Variants in EPCAM observed in about 807,000 individuals in gnomAD.
EPCAM encodes the protein epithelial cell adhesion molecule.
A neutral mutation model predicts 40.0 loss-of-function variants in EPCAM; 39 were observed. The observed-to-expected ratio is 0.98, with a 90% CI of 0.76 to 1.27. The LOEUF (loss-of-function observed/expected upper bound fraction) is 1.27. Ranked by LOEUF, EPCAM falls within the 50% of genes most tolerant of loss-of-function variation. The pLI, the probability that EPCAM is intolerant of heterozygous loss-of-function variation, is 0.00. For missense variants in EPCAM, 503 were observed against 381.2 expected (o/e 1.32, Z -2.66); for synonymous variants, 168 against 132.3 (o/e 1.27, Z -1.85).
chr2:47,378,601 C>A (rs1248881387), intron 5 of EPCAM, among the ~76,000 whole-genome samples: 1 of 152,178 alleles, frequency 6.6e-6, no homozygotes, highest in East Asian at 1.9e-4. Context: ...TGCACCCGGC[C>A]TTACCTTTCA....
At chr2:47,369,733 C>T (rs1027687237) in intron 1 of EPCAM, 152 bp downstream of exon 1, 2 of 835,104 alleles carry the variant, frequency 2.4e-6, no homozygotes, top group East Asian at 2.7e-5. Context: ...CGTGCTCCGG[C>T]TCAGGCCCTC....
At chr2:47,384,989 G>A (rs1671703393) in intron 7 of EPCAM, among the ~76,000 whole-genome samples, 177 bp from the exon 8 acceptor site, 1 of 152,218 alleles carries the variant, frequency 6.6e-6, no homozygotes, top group South Asian at 2.1e-4. Context: ...TTACAGGCAT[G>A]AGCCACTCCA....
At chr2:47,377,922 CT>C (rs1237129216) in intron 5 of EPCAM, among the ~76,000 whole-genome samples, 4 of 151,852 alleles carry the variant, frequency 2.6e-5, no homozygotes, top group Admixed American at 2.0e-4. Context: ...AAAGAATGTA[CT>C]TTTTTTACTC....
Position 47,383,607 on chromosome 2 carries a change from C to CTTTTTT in EPCAM, c.859-1519_859-1514dup. ...CATGAGCCACTGTGCCCGGCTTCTTCTTTTTTTTTTTTTTTTTTTTTTTTT... is the reference window on the plus strand; with the variant it reads ...CATGAGCCACTGTGCCCGGCTTCTTCTTTTTTTTTTTTTTTTTTTTTTTTTTTTTTT... On this transcript the variant is annotated intron_variant, in intron 7 of 8. Coordinates refer to ENST00000263735, the MANE Select transcript of EPCAM (RefSeq NM_002354.3). Among the ~76,000 whole-genome samples, 87 of 36,450 alleles carry CTTTTTT rather than the reference C, an allele frequency of 2.4e-3. 24 individuals carry two copies. The highest frequency in any genetic ancestry group is 4.7e-3 in the Admixed American group (12 of 2,552). The allele number at this position is 36,450 out of a possible 152,430, so 23.9% of individuals were successfully genotyped here.
At chr2:47,381,196 A>T (rs1385144077) in intron 7 of EPCAM, among the ~76,000 whole-genome samples, 1 of 150,988 alleles carries the variant, frequency 6.6e-6, no homozygotes, top group African/African-American at 2.4e-5. Flanking sequence ...CGGGAGTTCG[A>T]GACCAGCCTG....
In EPCAM at chr2:47,385,829, A is replaced by G. The variant is rs556841601; in HGVS notation, c.903+619A>G. On this transcript the variant is annotated intron_variant, in intron 8 of 8. Coordinates refer to ENST00000263735, the MANE Select transcript of EPCAM (RefSeq NM_002354.3). ...GGAATATTGGAAAAAGTCTAATGGA[A>G]CCAGAAAGTTCTAGCATTTTTTTCC... 3.2e-4 allele frequency among the ~76,000 whole-genome samples: 49 copies of G among 152,352 alleles called. No homozygotes were observed. In the East Asian group the frequency reaches 5.8e-3, roughly 18 times the overall value.
intron 2 of EPCAM, 110 bp downstream of exon 2, chr2:47,373,680 A>G (rs544483273): frequency 6.9e-7 from 1 of 1,459,702 alleles, no homozygotes; most frequent in South Asian, 1.2e-5. Context: ...GAATCATGTT[A>G]CAAAGTAAGT....
At chr2:47,378,125 G>A (rs1671476809) in intron 5 of EPCAM, among the ~76,000 whole-genome samples, 1 of 151,904 alleles carries the variant, frequency 6.6e-6, no homozygotes, top group African/African-American at 2.4e-5. Context: ...CAGCTACTCG[G>A]GAGGCTTGAG....
intron 7 of EPCAM, among the ~76,000 whole-genome samples, chr2:47,384,000 G>C (rs1052929118): frequency 6.6e-6 from 1 of 151,458 alleles, no homozygotes; most frequent in African/African-American, 2.4e-5. Flanking sequence ...TTTCTTTTCT[G>C]TTGTCCCATT....
At chr2:47,382,148 C>T (rs72812303) in intron 7 of EPCAM, among the ~76,000 whole-genome samples, 11,985 of 151,670 alleles carry the variant, frequency 0.079, 519 homozygotes, top group East Asian at 0.17. Context: ...TAACGATGGG[C>T]ATGAAAAAAA....
intron 7 of EPCAM, 128 bp downstream of exon 7, chr2:47,380,097 C>G (rs992857717): frequency 2.0e-6 from 3 of 1,477,442 alleles, no homozygotes; most frequent in African/African-American, 1.4e-5. Flanking sequence ...AGGTGGATCA[C>G]TTGAGCCCAG....
intron 3 of EPCAM, 50 bp from the exon 4 acceptor site, chr2:47,375,184 G>A: frequency 1.5e-6 from 2 of 1,347,174 alleles, no homozygotes; most frequent in Non-Finnish European, 2.1e-6. Flanking sequence ...TAGGAAAATA[G>A]TATGGAAGAC....
chr2:47,379,099 T>G, intron 6 of EPCAM, 45 bp downstream of exon 6: 2 of 1,001,858 alleles, frequency 2.0e-6, no homozygotes, highest in Non-Finnish European at 1.6e-6. Context: ...ATGTAGTCTA[T>G]CATGCCTCAA....
At position 47,386,825 on chromosome 2, in the gene EPCAM, G is replaced by C. The variant is rs1671754006; in HGVS notation, c.*212G>C. On this transcript the variant is annotated 3_prime_UTR_variant, in exon 9 of 9. Coordinates refer to ENST00000263735, the MANE Select transcript of EPCAM (RefSeq NM_002354.3). ...TGACCACAAGTGTCTTATATATGCA[G>C]ATCTAATGTAAAATCCAGAACTTGG... 4.8e-6 allele frequency: 2 copies of C among 414,774 alleles called. No individual in the cohort carries two copies. The highest frequency in any genetic ancestry group is 8.6e-6 in the Non-Finnish European group (2 of 231,774). 25.7% of individuals were successfully genotyped at this position (414,774 alleles called of 1,614,324 possible). A position where few individuals can be genotyped will look rare whatever the true frequency, so the allele number is the denominator to read the frequency against.
At chr2:47,376,564 A>G (rs1445925874) in intron 4 of EPCAM, among the ~76,000 whole-genome samples, 1 of 152,128 alleles carries the variant, frequency 6.6e-6, no homozygotes, top group Non-Finnish European at 1.5e-5. Flanking sequence ...CCGAGCCTTG[A>G]TGTTCCCTCT....
chr2:47,384,541 G>A (rs1427202961), intron 7 of EPCAM, among the ~76,000 whole-genome samples: 1 of 151,492 alleles, frequency 6.6e-6, no homozygotes, highest in African/African-American at 2.4e-5. Context: ...AGTCTCCCAA[G>A]TAGCTGGGAT....
At chr2:47,371,011 C>T (rs1671247564) in intron 1 of EPCAM, among the ~76,000 whole-genome samples, 1 of 151,960 alleles carries the variant, frequency 6.6e-6, no homozygotes, top group Non-Finnish European at 1.5e-5. Flanking sequence ...CAGTGCCAGC[C>T]GAATATTTGT....
At chr2:47,386,337 C>G (rs1199143499) in intron 8 of EPCAM, among the ~76,000 whole-genome samples, 2 of 152,156 alleles carry the variant, frequency 1.3e-5, no homozygotes, top group Non-Finnish European at 2.9e-5. Context: ...TAGCTTACCT[C>G]CAACTTGCCC....
At chr2:47,382,230 TAAAG>T (rs1193183528) in intron 7 of EPCAM, among the ~76,000 whole-genome samples, 1 of 152,102 alleles carries the variant, frequency 6.6e-6, no homozygotes, top group African/African-American at 2.4e-5. Context: ...TGAGGAAACC[TAAAG>T]AAAGAATGAC....
Sources: allele counts gnomAD v4.1 joint callset (sites outside exome capture counted in the v4.1 genomes callset), GRCh38; gene constraint gnomAD v4.1.1; transcripts MANE v1.5; gene names NCBI Gene and HGNC (gene_info 2026-07-23, HGNC 2026-07-21).